The following UBE2Q2 variants were observed in gnomAD, a reference collection of about 807,000 sequenced individuals.
The protein encoded by UBE2Q2 is ubiquitin conjugating enzyme E2 Q2, also known as ubiquitin-conjugating enzyme E2 Q2.
Under a neutral mutation model 59.9 loss-of-function variants are expected in UBE2Q2, and 54 were observed. The observed-to-expected ratio is 0.90, with a 90% CI of 0.72 to 1.13. The LOEUF is 1.13. Ranked by LOEUF, UBE2Q2 falls within the 50% of genes most tolerant of loss-of-function variation. The probability of loss-of-function intolerance (pLI) is 0.00; values close to 1 mark genes in which losing one functional copy is unlikely to be tolerated. For missense variants in UBE2Q2, 433 were observed against 441.9 expected, an observed-to-expected ratio of 0.98 and a Z score of 0.18; for synonymous variants, 165 against 155.2, an observed-to-expected ratio of 1.06 and a Z score of -0.47.
rs751803804 is a variant in UBE2Q2 at position 75,868,936 on chromosome 15, C to A, written c.388-15C>A. 1.6e-5 allele frequency: 26 copies of A among 1,612,360 alleles called. No individual in the cohort carries two copies. The highest frequency in any genetic ancestry group is 2.1e-5 in the Non-Finnish European group (25 of 1,178,890). On this transcript the variant is annotated splice_polypyrimidine_tract_variant and intron_variant, in intron 3 of 12. Coordinates refer to ENST00000267938, the MANE Select transcript of UBE2Q2 (RefSeq NM_173469.4). ...TTGTTCTGTATAGCCCTGGCAGATT[C>A]TTTCTCTGTTTCAGAATGGGACAAC...
chr15:75,848,051 C>T (rs774218891), intron 1 of UBE2Q2, among the ~76,000 whole-genome samples: 2 of 152,050 alleles, frequency 1.3e-5, no homozygotes, highest in African/African-American at 4.8e-5. Context: ...AGAAGTTTAG[C>T]TTTTATTTAG....
At chr15:75,864,382 G>A (rs557672192) in intron 3 of UBE2Q2, among the ~76,000 whole-genome samples, 26 of 152,140 alleles carry the variant, frequency 1.7e-4, no homozygotes, top group African/African-American at 6.3e-4. Context: ...TAGGGGTGCT[G>A]TTGGCATTTC....
intron 1 of UBE2Q2, among the ~76,000 whole-genome samples, chr15:75,853,906 G>T (rs1896768563): frequency 6.6e-6 from 1 of 152,138 alleles, no homozygotes; most frequent in Non-Finnish European, 1.5e-5. Flanking sequence ...TCGCCATGTA[G>T]GTCTCTCCAT....
chr15:75,881,796 G>A lies in UBE2Q2; in HGVS notation c.826-1570G>A, dbSNP rs116757906. Among the ~76,000 whole-genome samples, 378 of 152,288 alleles carry A rather than the reference G, an allele frequency of 2.5e-3. 3 individuals carry two copies. The highest frequency in any genetic ancestry group is 8.7e-3 in the African/African-American group (362 of 41,560). On this transcript the variant is annotated intron_variant, in intron 8 of 12. Transcript: ENST00000267938. ...GTGACCTTGTTGGTAAATCCAACTT[G>A]CTATATTTTTAAGGAAGTCACTTTT...
rs530879358 is a variant in UBE2Q2 at position 75,848,270 on chromosome 15, A to G, written c.180+4424A>G. On this transcript the variant is annotated intron_variant, in intron 1 of 12. Transcript: ENST00000267938. ...ACAGGTTTTTGTGGGAAATAAAGCA[A>G]TGCTGTTAACTTCATCTTGCATTTT... Among the ~76,000 whole-genome samples, 8 of 152,360 alleles carry G rather than the reference A, an allele frequency of 5.3e-5. No homozygotes were observed. In the East Asian group the frequency reaches 9.6e-4, roughly 18 times the overall value.
In UBE2Q2 at chr15:75,883,245, C is replaced by G. The variant is rs1004949177; in HGVS notation, c.826-121C>G. 1.4e-5 allele frequency: 13 copies of G among 930,248 alleles called. No homozygotes were observed. In the Admixed American group the frequency reaches 3.5e-4, roughly 25 times the overall value. The allele number at this position is 930,248 out of a possible 1,614,324, so 57.6% of individuals were successfully genotyped here. A position where few individuals can be genotyped will look rare whatever the true frequency, so the allele number is the denominator to read the frequency against. On this transcript the variant is annotated intron_variant, in intron 8 of 12. Transcript: ENST00000267938. ...TTGGTTTTGGGTACTAATTTTATGA[C>G]TCTTACCCATTATCTGATAATAAAT...
At chr15:75,890,277 A>G (rs1354404643) in intron 9 of UBE2Q2, among the ~76,000 whole-genome samples, 158 bp from the exon 10 acceptor site, 1 of 152,218 alleles carries the variant, frequency 6.6e-6, no homozygotes, top group Non-Finnish European at 1.5e-5. Context: ...GAATTTTTAA[A>G]TTACCCATAG....
intron 3 of UBE2Q2, among the ~76,000 whole-genome samples, chr15:75,864,184 T>G (rs1897335826): frequency 6.6e-6 from 1 of 152,228 alleles, no homozygotes; most frequent in African/African-American, 2.4e-5. Flanking sequence ...ATACTTTGTT[T>G]CCTTTTAGGC....
chr15:75,873,836 T>C (rs906787810), intron 5 of UBE2Q2, among the ~76,000 whole-genome samples: 6 of 152,086 alleles, frequency 3.9e-5, no homozygotes, highest in Non-Finnish European at 8.8e-5. Context: ...GCTTGGACTA[T>C]AGGCACATGC....
At chr15:75,844,043 C>G in intron 1 of UBE2Q2, 197 bp downstream of exon 1, 2 of 1,406,624 alleles carry the variant, frequency 1.4e-6, no homozygotes, top group Non-Finnish European at 1.8e-6. Context: ...AGGCGGAGGG[C>G]GCGTCTTTCC....
intron 1 of UBE2Q2, chr15:75,844,367 C>A (rs1010694053): frequency 3.2e-6 from 5 of 1,551,002 alleles, no homozygotes; most frequent in East Asian, 2.4e-5. Flanking sequence ...AGAATGGACT[C>A]GTTGACGGAG....
intron 3 of UBE2Q2, among the ~76,000 whole-genome samples, chr15:75,862,195 T>C (rs1226084072): frequency 6.6e-6 from 1 of 152,034 alleles, no homozygotes; most frequent in African/African-American, 2.4e-5. Flanking sequence ...GATGGGCCCA[T>C]CCAAGGACGT....
intron 1 of UBE2Q2, chr15:75,844,234 G>A: frequency 4.7e-6 from 7 of 1,486,208 alleles, no homozygotes; most frequent in Non-Finnish European, 6.3e-6. Flanking sequence ...TGTTGTTTGA[G>A]CCCAGGCCGG....
At chr15:75,892,947 C>G (rs1899185746) in intron 11 of UBE2Q2, among the ~76,000 whole-genome samples, 1 of 152,020 alleles carries the variant, frequency 6.6e-6, no homozygotes, top group African/African-American at 2.4e-5. Flanking sequence ...AGATGATTAT[C>G]TCAAAAAAAT....
chr15:75,879,053 T>C (rs201169191), intron 7 of UBE2Q2, 45 bp from the exon 8 acceptor site: 3 of 1,399,222 alleles, frequency 2.1e-6, no homozygotes, highest in African/African-American at 2.9e-5. Flanking sequence ...AAAAAAAAAA[T>C]CTCTAACTTT....
At chr15:75,876,385 T>C (rs2141626371) in intron 6 of UBE2Q2, 114 bp downstream of exon 6, 1 of 930,446 alleles carries the variant, frequency 1.1e-6, no homozygotes, top group South Asian at 2.1e-5. Context: ...ACTAGCTTTA[T>C]TTCAGGAATG....
intron 1 of UBE2Q2, among the ~76,000 whole-genome samples, chr15:75,851,027 ATGCTATTTGC>A (rs1309520207): frequency 3.3e-5 from 5 of 152,142 alleles, no homozygotes; most frequent in Admixed American, 3.3e-4. Flanking sequence ...AATTTGTTGT[ATGCTATTTGC>A]TTGAAATAAT....
intron 9 of UBE2Q2, among the ~76,000 whole-genome samples, chr15:75,885,987 A>G (rs1008336703): frequency 2.7e-5 from 4 of 146,720 alleles, no homozygotes; most frequent in Non-Finnish European, 6.0e-5. Flanking sequence ...GTAAATTTTT[A>G]ACCTTTCTCT....
chr15:75,845,607 A>G (rs901772650), intron 1 of UBE2Q2, among the ~76,000 whole-genome samples: 2 of 152,198 alleles, frequency 1.3e-5, no homozygotes, highest in Non-Finnish European at 2.9e-5. Context: ...TCTTTCATCC[A>G]GGATTAGAAA....
Sources: gnomAD v4.1 joint callset for allele counts (sites outside exome capture counted in the v4.1 genomes callset) on GRCh38, gnomAD v4.1.1 for gene constraint, MANE v1.5 for transcripts, NCBI Gene and HGNC (gene_info 2026-07-23, HGNC 2026-07-21) for gene names.